The following SUCLG1 variants were observed in gnomAD, a reference collection of about 807,000 sequenced individuals.
SUCLG1 encodes the protein succinate-CoA ligase GDP/ADP-forming subunit alpha.
In SUCLG1, 26 loss-of-function variants were observed where a neutral mutation model predicts 37.3. The observed-to-expected ratio is 0.70, with a 90% CI of 0.51 to 0.97. The LOEUF is 0.97. Among genes scored for constraint, SUCLG1 ranks in the 50% least tolerant of loss-of-function variants. SUCLG1 has a pLI of 0.00. For synonymous variants in SUCLG1, 163 were observed against 155.6 expected, an observed-to-expected ratio of 1.05 and a Z score of -0.36; for missense variants, 433 against 432.9, an observed-to-expected ratio of 1.00 and a Z score of 0.00.
intron 2 of SUCLG1, among the ~76,000 whole-genome samples, chr2:84,444,177 T>A (rs1416995035): frequency 6.6e-6 from 1 of 152,212 alleles, no homozygotes; most frequent in Non-Finnish European, 1.5e-5. Flanking sequence ...TCCCCTGGTT[T>A]TCCTCTTCTC....
chr2:84,456,232 T>A (rs1673017788), intron 1 of SUCLG1, among the ~76,000 whole-genome samples: 1 of 151,710 alleles, frequency 6.6e-6, no homozygotes, highest in Non-Finnish European at 1.5e-5. Context: ...TCACTAAGAC[T>A]GCCAAAAAAA....
At chr2:84,432,098 T>C (rs541382089) in intron 6 of SUCLG1, among the ~76,000 whole-genome samples, 4 of 152,350 alleles carry the variant, frequency 2.6e-5, no homozygotes, top group South Asian at 2.1e-4. Context: ...TGATGAAGTA[T>C]GCTGCAGATA....
intron 8 of SUCLG1, 127 bp from the exon 9 acceptor site, chr2:84,423,899 G>A: frequency 2.0e-6 from 2 of 981,960 alleles, no homozygotes; most frequent in Non-Finnish European, 3.0e-6. Context: ...TCAAATTACA[G>A]AAGAAAAATG....
At chr2:84,458,985 C>A (rs1252235648) in intron 1 of SUCLG1, among the ~76,000 whole-genome samples, 188 bp downstream of exon 1, 1 of 152,232 alleles carries the variant, frequency 6.6e-6, no homozygotes, top group African/African-American at 2.4e-5. Context: ...TCATGCCCCC[C>A]GCCCCACGTA....
intron 2 of SUCLG1, among the ~76,000 whole-genome samples, chr2:84,443,780 A>G (rs1212074065): frequency 1.3e-5 from 2 of 152,036 alleles, no homozygotes; most frequent in African/African-American, 4.8e-5. Context: ...GTCAAATCCA[A>G]TTTTTCCCCT....
chr2:84,447,739 A>AT (rs1012798982), intron 2 of SUCLG1, among the ~76,000 whole-genome samples: 4 of 151,030 alleles, frequency 2.6e-5, no homozygotes, highest in African/African-American at 7.3e-5. Context: ...CAGAATAAAC[A>AT]TTTTTTTTTG....
intron 6 of SUCLG1, chr2:84,432,203 A>C (rs4832077): frequency 0.96 from 156,657 of 162,378 alleles, 75,616 homozygotes; most frequent in East Asian, 1. Flanking sequence ...ATGACAGAGC[A>C]TGCATATCAG....
At chr2:84,431,068 C>CT (rs1672606177) in intron 7 of SUCLG1, among the ~76,000 whole-genome samples, 3 of 152,220 alleles carry the variant, frequency 2.0e-5, no homozygotes, top group Admixed American at 6.5e-5. Context: ...CAAGGAAAGT[C>CT]TAAAACTGGA....
At chr2:84,431,446 C>G (rs1419384815) in intron 7 of SUCLG1, 62 bp downstream of exon 7, 2 of 1,599,670 alleles carry the variant, frequency 1.3e-6, no homozygotes, top group Non-Finnish European at 1.7e-6. Flanking sequence ...ATAAAAATAA[C>G]TTCTGAAACA....
Position 84,425,557 on chromosome 2 carries a change from G to A in SUCLG1, c.872C>T (p.Ala291Val). 3 of 1,614,226 alleles carry A rather than the reference G, an allele frequency of 1.9e-6. No homozygotes were observed. Among genetic ancestry groups the A allele is most frequent in the Non-Finnish European group, 2.5e-6 (3 of 1,180,044 alleles). ...PVVSFIAGLT[A>V]PPGRRMGHAG... is the part of the protein sequence containing the mutation. ...ATGACCCATTCTTCTCCCAGGAGGAGCAGTTAAACCAGCAATGAAGGACAC... is the reference window on the plus strand; with the variant it reads ...ATGACCCATTCTTCTCCCAGGAGGAACAGTTAAACCAGCAATGAAGGACAC... Residue 291 changes from alanine to valine, a missense_variant, in exon 8 of 9, where the codon GCT becomes GTT. Transcript: ENST00000393868.
chr2:84,436,719 C>T (rs1672691883), intron 5 of SUCLG1, among the ~76,000 whole-genome samples: 1 of 152,208 alleles, frequency 6.6e-6, no homozygotes, highest in Admixed American at 6.5e-5. Flanking sequence ...CACTGATTCT[C>T]CAATTAAGAA....
chr2:84,444,006 G>A (rs954032636), intron 2 of SUCLG1, among the ~76,000 whole-genome samples: 3 of 152,086 alleles, frequency 2.0e-5, no homozygotes, highest in Admixed American at 6.6e-5. Context: ...TCTTATGAGA[G>A]GTCATCCAGT....
At chr2:84,448,170 GAAAAAAAA>G (rs60206307) in intron 2 of SUCLG1, among the ~76,000 whole-genome samples, 2 of 137,712 alleles carry the variant, frequency 1.5e-5, no homozygotes, top group African/African-American at 2.7e-5. Flanking sequence ...AGTTATTTCA[GAAAAAAAA>G]AAAAACAAAA....
At chr2:84,457,444 G>C (rs1476731415) in intron 1 of SUCLG1, among the ~76,000 whole-genome samples, 1 of 152,150 alleles carries the variant, frequency 6.6e-6, no homozygotes, top group Non-Finnish European at 1.5e-5. Context: ...GTCACTCTAG[G>C]GCCAAATGAT....
intron 2 of SUCLG1, among the ~76,000 whole-genome samples, chr2:84,445,445 C>A (rs1448084581): frequency 2.0e-5 from 3 of 152,064 alleles, no homozygotes; most frequent in African/African-American, 4.8e-5. Flanking sequence ...CATATCTAAG[C>A]CTTGAACTCC....
Position 84,441,317 on chromosome 2 carries a change from C to T in SUCLG1, c.461G>A (p.Arg154Gln), listed in dbSNP as rs933451922. ...CTGGCGCAGCAGTTTGTGCTTGACT[C>T]GTACCATGTCCTGCTGGGGAATTCC... ...TEGIPQQDMV[R>Q]VKHKLLRQEK... Residue 154 changes from arginine (R) to glutamine (Q), a missense_variant, in exon 4 of 9, where the codon CGA becomes CAA. By Grantham distance (43) the Arg-to-Gln change is conservative. Coordinates refer to ENST00000393868, the MANE Select transcript of SUCLG1 (RefSeq NM_003849.4). The T allele has an allele frequency of 1.2e-6, 2 of 1,614,048 alleles. No homozygotes were observed. The highest frequency in any genetic ancestry group is 8.5e-7 in the Non-Finnish European group (1 of 1,180,002).
chr2:84,423,815 A>C, intron 8 of SUCLG1, 43 bp from the exon 9 acceptor site: 1 of 1,574,706 alleles, frequency 6.4e-7, no homozygotes, highest in Non-Finnish European at 8.7e-7. Context: ...GGAATGAATA[A>C]AGATAAAAGA....
chr2:84,451,112 G>C (rs1303667677), intron 1 of SUCLG1, among the ~76,000 whole-genome samples: 1 of 152,116 alleles, frequency 6.6e-6, no homozygotes, highest in East Asian at 1.9e-4. Flanking sequence ...ACCCTTGCCA[G>C]TGCTGCATTC....
At position 84,449,731 on chromosome 2, in the gene SUCLG1, T is replaced by G; in HGVS notation, c.119A>C (p.His40Pro). Residue 40 changes from histidine (H) to proline (P), a missense_variant, in exon 2 of 9, where the codon CAT (histidine) becomes CCT (proline). By Grantham distance (77) the His-to-Pro change is moderately conservative. Coordinates refer to ENST00000393868, the MANE Select transcript of SUCLG1 (RefSeq NM_003849.4). ...TTGCCGAGAAGCTGTGTAGGAACAA[T>G]GCCGAATTCCATTCTGCGGCACTAA... ...SFLLPQNGIR[H>P]CSYTASRQHL... is the part of the protein sequence containing the mutation. 1 of 1,538,816 alleles carries G rather than the reference T, an allele frequency of 6.5e-7. No homozygotes were observed. Among genetic ancestry groups the G allele is most frequent in the Non-Finnish European group, 8.7e-7 (1 of 1,142,946 alleles).
Sources: allele counts gnomAD v4.1 joint callset (sites outside exome capture counted in the v4.1 genomes callset), GRCh38; gene constraint gnomAD v4.1.1; transcripts MANE v1.5; gene names NCBI Gene and HGNC (gene_info 2026-07-23, HGNC 2026-07-21).